CORO2B: variants seen among roughly 807,000 people sequenced by gnomAD.
CORO2B encodes coronin 2B.
A neutral mutation model predicts 58.8 loss-of-function variants in CORO2B; 26 were observed. The ratio of observed to expected loss-of-function variants is 0.44; its 90% CI spans 0.32 to 0.61. CORO2B has a LOEUF of 0.61. Ranked by LOEUF, CORO2B falls within the 20% of genes least tolerant of loss-of-function variation. The probability of loss-of-function intolerance (pLI) is 0.04; values close to 1 mark genes in which losing one functional copy is unlikely to be tolerated. For missense variants in CORO2B, 460 were observed against 645.1 expected, an observed-to-expected ratio of 0.71 and a Z score of 3.11; for synonymous variants, 242 against 253.8, an observed-to-expected ratio of 0.95 and a Z score of 0.44.
the CORO2B span, among the ~76,000 whole-genome samples, chr15:68,546,654 C>G: frequency 6.6e-6 from 1 of 152,134 alleles, no homozygotes; most frequent in Admixed American, 6.5e-5. Flanking sequence ...ACCAGATGCT[C>G]AATAGTTACT....
rs1899347282 is a variant in CORO2B, at chr15:68,579,145, C to G, written c.-118C>G. 26 of 981,194 alleles carry G rather than the reference C, an allele frequency of 2.6e-5. No homozygotes were observed. The highest frequency in any genetic ancestry group is 3.0e-5 in the Non-Finnish European group (25 of 828,230). 60.8% of individuals were successfully genotyped at this position (981,194 alleles called of 1,614,324 possible). A position where few individuals can be genotyped will look rare whatever the true frequency, so the allele number is the denominator to read the frequency against. ...CAGCCCCCAGGCTCGGCCGAGCCGCCGGCGGGGCGCGGGGAGCGAGCCGGG... is the reference window on the plus strand; with the variant it reads ...CAGCCCCCAGGCTCGGCCGAGCCGCGGGCGGGGCGCGGGGAGCGAGCCGGG... On this transcript the variant is annotated 5_prime_UTR_variant, in exon 1 of 12. Transcript: ENST00000261861.
intron 2 of CORO2B, among the ~76,000 whole-genome samples, chr15:68,657,168 T>G (rs1901834835): frequency 1.4e-5 from 2 of 147,030 alleles, no homozygotes; most frequent in Admixed American, 1.4e-4. Flanking sequence ...CATAGACCCC[T>G]TCACAGAATA....
the CORO2B span, among the ~76,000 whole-genome samples, chr15:68,561,682 G>T: frequency 6.6e-6 from 1 of 152,194 alleles, no homozygotes; most frequent in Admixed American, 6.5e-5. Flanking sequence ...GAGTGTACAG[G>T]ATTTGTTGTG....
Position 68,712,004 on chromosome 15 carries a change from C to A in CORO2B, c.648+298C>A, listed in dbSNP as rs376044358. On this transcript the variant is annotated intron_variant, in intron 5 of 11. Coordinates refer to ENST00000261861, the MANE Select transcript of CORO2B (RefSeq NM_006091.5). ...TGGTGACACCCTTCAGTGCATACAT[C>A]CCCAGGTGTTACCCAGGTCCACCAC... Among the ~76,000 whole-genome samples, 64 of 152,230 alleles carry A rather than the reference C, an allele frequency of 4.2e-4. 1 individual carries two copies. Among genetic ancestry groups the A allele is most frequent in the African/African-American group, 1.5e-3 (64 of 41,534 alleles).
intron 1 of CORO2B, among the ~76,000 whole-genome samples, chr15:68,579,790 C>CAAAG (rs1899382034): frequency 6.6e-6 from 1 of 152,222 alleles, no homozygotes; most frequent in Non-Finnish European, 1.5e-5. Flanking sequence ...GAAGGCGCTG[C>CAAAG]CCAGTCCCGG....
chr15:68,522,285 C>G, the CORO2B span, among the ~76,000 whole-genome samples: 1 of 151,820 alleles, frequency 6.6e-6, no homozygotes, highest in African/African-American at 2.4e-5. Context: ...CTTTAAATAC[C>G]ACTTCTTCTC....
In CORO2B at chr15:68,707,517, A is replaced by G. The variant is rs189124370; in HGVS notation, c.334-3215A>G. ...TTAATAGAGGTCGATTATATTCATC[A>G]TGGAACGGTCATACAACAGATGCCT... On this transcript the variant is annotated intron_variant, in intron 3 of 11. Coordinates refer to ENST00000261861, the MANE Select transcript of CORO2B (RefSeq NM_006091.5). Among the ~76,000 whole-genome samples, 485 of 152,370 alleles carry G rather than the reference A, an allele frequency of 3.2e-3. 7 individuals carry two copies. The highest frequency in any genetic ancestry group is 0.011 in the African/African-American group (469 of 41,598).
the CORO2B span, among the ~76,000 whole-genome samples, chr15:68,536,408 G>C: frequency 6.6e-6 from 1 of 152,252 alleles, no homozygotes; most frequent in South Asian, 2.1e-4. Context: ...TGGAATCTTG[G>C]CCTAAAAAAC....
At chr15:68,621,644 G>A (rs908388548) in intron 1 of CORO2B, among the ~76,000 whole-genome samples, 6 of 152,140 alleles carry the variant, frequency 3.9e-5, no homozygotes, top group African/African-American at 1.4e-4. Flanking sequence ...CTTTGGTTTG[G>A]TTGTTGGTTT....
chr15:68,602,444 C>CAT (rs1400501688), intron 1 of CORO2B, among the ~76,000 whole-genome samples: 1 of 151,638 alleles, frequency 6.6e-6, no homozygotes, highest in African/African-American at 2.4e-5. Context: ...CACACACACA[C>CAT]ACACACGTTT....
intron 1 of CORO2B, among the ~76,000 whole-genome samples, chr15:68,605,711 GTTTTTTTTTTTTTTTTT>G (rs35340917): frequency 1.0e-5 from 1 of 99,094 alleles, no homozygotes; most frequent in African/African-American, 4.7e-5. Flanking sequence ...GGGCTCTTGG[GTTTTTTTTTTTTTTTTT>G]TTTTTTTTTT....
At chr15:68,719,042 G>A (rs1268978207) in intron 9 of CORO2B, 102 bp from the exon 10 acceptor site, 7 of 998,940 alleles carry the variant, frequency 7.0e-6, no homozygotes, top group Non-Finnish European at 1.1e-5. Context: ...AGGCAGGAGA[G>A]CAGGTAGAGT....
chr15:68,689,085 C>T (rs1055994686), intron 2 of CORO2B, among the ~76,000 whole-genome samples: 1 of 148,912 alleles, frequency 6.7e-6, no homozygotes, highest in Non-Finnish European at 1.5e-5. Flanking sequence ...ACAACAGCTG[C>T]GATTCAACAT....
At chr15:68,672,466 A>G (rs960427919) in intron 2 of CORO2B, among the ~76,000 whole-genome samples, 2 of 152,112 alleles carry the variant, frequency 1.3e-5, no homozygotes, top group African/African-American at 4.8e-5. Context: ...GTGTGTACAG[A>G]TGGGGTCTCA....
the CORO2B span, among the ~76,000 whole-genome samples, chr15:68,524,956 A>G: frequency 2.6e-5 from 4 of 152,242 alleles, no homozygotes; most frequent in Non-Finnish European, 5.9e-5. Context: ...AGAATAATAA[A>G]TTAAATTCTG....
At chr15:68,597,646 A>T (rs1899873339) in intron 1 of CORO2B, among the ~76,000 whole-genome samples, 1 of 151,990 alleles carries the variant, frequency 6.6e-6, no homozygotes, top group South Asian at 2.1e-4. Context: ...AAAAATAAAT[A>T]AATAAAAAAT....
At chr15:68,588,403 C>CT (rs1416606426) in intron 1 of CORO2B, among the ~76,000 whole-genome samples, 1 of 152,188 alleles carries the variant, frequency 6.6e-6, no homozygotes, top group East Asian at 1.9e-4. Context: ...GACAAATAAT[C>CT]TGGCTATAAA....
At chr15:68,656,112 G>A (rs1184461276) in intron 2 of CORO2B, among the ~76,000 whole-genome samples, 2 of 151,702 alleles carry the variant, frequency 1.3e-5, no homozygotes, top group African/African-American at 4.8e-5. Context: ...TGCACTTCCA[G>A]ATGGCCTTCC....
At chr15:68,659,858 C>T (rs181932443) in intron 2 of CORO2B, among the ~76,000 whole-genome samples, 3 of 152,196 alleles carry the variant, frequency 2.0e-5, no homozygotes, top group Middle Eastern at 3.4e-3. Flanking sequence ...CACTCGAACC[C>T]GGGAGGTGGA....
Sources: gnomAD v4.1 joint callset for allele counts (sites outside exome capture counted in the v4.1 genomes callset) on GRCh38, gnomAD v4.1.1 for gene constraint, MANE v1.5 for transcripts, NCBI Gene and HGNC (gene_info 2026-07-23, HGNC 2026-07-21) for gene names.